Variants in BCL2L11 observed in about 807,000 individuals in gnomAD.
BCL2L11 encodes bcl-2-like protein 11.
Under a neutral mutation model 20.6 loss-of-function variants are expected in BCL2L11, and 15 were observed. The observed-to-expected ratio is 0.73, with a 90% CI of 0.49 to 1.12. BCL2L11 has a LOEUF of 1.12. Among genes scored for constraint, BCL2L11 ranks in the 50% most tolerant of loss-of-function variants. The pLI, the probability that BCL2L11 is intolerant of heterozygous loss-of-function variation, is 0.00. For missense variants in BCL2L11, 292 were observed against 260.9 expected (o/e 1.12, Z -0.82); for synonymous variants, 108 against 92.8 (o/e 1.16, Z -0.94).
chr2:111,165,156 G>C lies in BCL2L11; in HGVS notation c.*925G>C, dbSNP rs1254690747. On this transcript the variant is annotated 3_prime_UTR_variant, in exon 4 of 4. Transcript: ENST00000393256. ...TCCATTTCGACGAGCATGTTATTGG[G>C]AAGTATTCTGAAGAGGCAATAGCAG... The C allele has an allele frequency of 6.6e-6, 1 of 152,250 alleles. No individual in the cohort carries two copies. Among genetic ancestry groups the C allele is most frequent in the Non-Finnish European group, 1.5e-5 (1 of 68,056 alleles). The allele number at this position is 152,250 out of a possible 1,614,324, so 9.4% of individuals were successfully genotyped here.
chr2:111,138,017 T>C (rs886367643), intron 2 of BCL2L11, among the ~76,000 whole-genome samples: 3 of 150,110 alleles, frequency 2.0e-5, no homozygotes, highest in Non-Finnish European at 4.4e-5. Context: ...TCTTTCTTTT[T>C]TTTTTTTTTT....
chr2:111,132,050 T>C (rs1326186269), intron 2 of BCL2L11: 3 of 152,158 alleles, frequency 2.0e-5, no homozygotes, highest in Non-Finnish European at 4.4e-5. Flanking sequence ...ACACTCCAGC[T>C]CCCAATCTGG....
chr2:111,157,464 T>C (rs1387141240), intron 3 of BCL2L11, among the ~76,000 whole-genome samples: 2 of 152,232 alleles, frequency 1.3e-5, no homozygotes, highest in Admixed American at 1.3e-4. Flanking sequence ...ACAGTGTGTT[T>C]CTTCTCTGAA....
intron 3 of BCL2L11, among the ~76,000 whole-genome samples, chr2:111,161,837 C>T (rs1307239034): frequency 6.6e-6 from 1 of 152,208 alleles, no homozygotes; most frequent in Non-Finnish European, 1.5e-5. Context: ...CACCCCAAAA[C>T]CAAAGGCCCT....
At position 111,167,181 on chromosome 2, in the gene BCL2L11, A is replaced by AC. The variant is rs1458432720; in HGVS notation, c.*2951dup. 2.6e-5 allele frequency: 4 copies of AC among 152,338 alleles called. No individual in the cohort carries two copies. The highest frequency in any genetic ancestry group is 5.9e-5 in the Non-Finnish European group (4 of 67,996). The allele number at this position is 152,338 out of a possible 1,614,324, so 9.4% of individuals were successfully genotyped here. The stretch of plus-strand genomic sequence containing the variant: ...ACTCCCCTGCCGTCCCATGAAGTTA[A>AC]CTCCTGAGAGTTGTCGGGGGTGACT... On this transcript the variant is annotated 3_prime_UTR_variant, in exon 4 of 4. Coordinates refer to ENST00000393256, the MANE Select transcript of BCL2L11 (RefSeq NM_138621.5).
chr2:111,123,050 C>G, intron 1 of BCL2L11: 1 of 975,586 alleles, frequency 1.0e-6, no homozygotes, highest in Non-Finnish European at 1.2e-6. Flanking sequence ...CGTCGCCCTC[C>G]GCCGCCCCCT....
rs1488415456 is a variant in BCL2L11, at chr2:111,151,862, T to C, written c.498+1715T>C. ...GCATCCTCCACCTGACATAAACCAG[T>C]TCACAGAACATTCCAGCCTAGATCT... On this transcript the variant is annotated intron_variant, in intron 3 of 3. Coordinates refer to ENST00000393256, the MANE Select transcript of BCL2L11 (RefSeq NM_138621.5). 1.9e-6 allele frequency: 3 copies of C among 1,549,912 alleles called. 1 individual carries two copies. Among genetic ancestry groups the C allele is most frequent in the Admixed American group, 2.0e-5 (1 of 51,002 alleles).
chr2:111,163,618 G>A (rs996179986), intron 3 of BCL2L11, among the ~76,000 whole-genome samples: 1 of 152,118 alleles, frequency 6.6e-6, no homozygotes, highest in Non-Finnish European at 1.5e-5. Context: ...GTGACCATGG[G>A]CACCCCTCTG....
At chr2:111,143,698 C>T (rs1222774266) in intron 2 of BCL2L11, among the ~76,000 whole-genome samples, 5 of 152,264 alleles carry the variant, frequency 3.3e-5, no homozygotes, top group Non-Finnish European at 5.9e-5. Flanking sequence ...GGGCTTCTGT[C>T]GTGACTCAGC....
At chr2:111,153,973 C>T in intron 3 of BCL2L11, 9 of 1,414,692 alleles carry the variant, frequency 6.4e-6, no homozygotes, top group Non-Finnish European at 1.8e-6. Flanking sequence ...GGTGAACCTG[C>T]CGGGCTGAAC....
chr2:111,140,523 A>G (rs1324379595), intron 2 of BCL2L11, among the ~76,000 whole-genome samples: 1 of 152,218 alleles, frequency 6.6e-6, no homozygotes. Context: ...AGGCACGTGC[A>G]TCTGCGAAGG....
Position 111,121,058 on chromosome 2 carries a change from C to A in BCL2L11, c.-144C>A. 2.8e-6 allele frequency: 1 copy of A among 356,358 alleles called. No individual in the cohort carries two copies. The allele number at this position is 356,358 out of a possible 1,614,324, so 22.1% of individuals were successfully genotyped here. On this transcript the variant is annotated 5_prime_UTR_variant, in exon 1 of 4. Transcript: ENST00000393256. Reference sequence around the variant, plus strand: ...TTGATTCTTGCAGCCACCCTGCGAACCCTGCCACACTGCGATCGCATCATC... The same window carrying A: ...TTGATTCTTGCAGCCACCCTGCGAAACCTGCCACACTGCGATCGCATCATC...
chr2:111,152,366 T>C (rs2077358808), intron 3 of BCL2L11, among the ~76,000 whole-genome samples: 1 of 152,212 alleles, frequency 6.6e-6, no homozygotes, highest in Non-Finnish European at 1.5e-5. Context: ...GAGCTCTGGG[T>C]ACTGAGATAA....
At chr2:111,146,873 ACTACTGTGTG>A (rs944158479) in intron 2 of BCL2L11, among the ~76,000 whole-genome samples, 1 of 152,186 alleles carries the variant, frequency 6.6e-6, no homozygotes, top group Admixed American at 6.5e-5. Flanking sequence ...ATAGCCATGT[ACTACTGTGTG>A]CATACTAGCT....
rs5833391 is a variant in BCL2L11, at chr2:111,120,979, T to TGCCGCCGCC, written c.-189_-181dup. The TGCCGCCGCC allele has an allele frequency of 3.0e-3, 1,025 of 336,078 alleles. 6 individuals are homozygous for TGCCGCCGCC. The highest frequency in any genetic ancestry group is 4.6e-3 in the African/African-American group (197 of 42,880). The allele number at this position is 336,078 out of a possible 1,614,324, so 20.8% of individuals were successfully genotyped here. A position where few individuals can be genotyped will look rare whatever the true frequency, so the allele number is the denominator to read the frequency against. Reference sequence around the variant, plus strand: ...GCTCTGCGTCCAGCGCCGCTGCCGCTGCCGCCGCCGCCGCCGCCGCCGCCG... The same window carrying TGCCGCCGCC: ...GCTCTGCGTCCAGCGCCGCTGCCGCTGCCGCCGCCGCCGCCGCCGCCGCCGCCGCCGCCG... On this transcript the variant is annotated 5_prime_UTR_variant, in exon 1 of 4. Coordinates refer to ENST00000393256, the MANE Select transcript of BCL2L11 (RefSeq NM_138621.5).
intron 2 of BCL2L11, chr2:111,128,893 GCA>G: frequency 7.6e-7 from 1 of 1,313,810 alleles, no homozygotes; most frequent in Non-Finnish European, 1.0e-6. Context: ...CTAGAAAAAT[GCA>G]CAATTAGATT....
intron 3 of BCL2L11, among the ~76,000 whole-genome samples, chr2:111,159,040 T>C (rs184207442): frequency 6.6e-6 from 1 of 152,314 alleles, no homozygotes; most frequent in African/African-American, 2.4e-5. Flanking sequence ...ATTGTAGGAA[T>C]CACTTAGTGA....
chr2:111,148,813 T>TATA (rs748731107), intron 2 of BCL2L11, among the ~76,000 whole-genome samples: 2 of 152,184 alleles, frequency 1.3e-5, no homozygotes, highest in Non-Finnish European at 2.9e-5. Context: ...TTCACTTGGG[T>TATA]ATAAGATGAG....
chr2:111,144,483 T>C (rs1032254165), intron 2 of BCL2L11: 2 of 1,550,504 alleles, frequency 1.3e-6, no homozygotes, highest in African/African-American at 1.4e-5. Flanking sequence ...TCCTTTGCCT[T>C]ATAGCTAACT....
Sources: allele counts gnomAD v4.1 joint callset (sites outside exome capture counted in the v4.1 genomes callset), GRCh38; gene constraint gnomAD v4.1.1; transcripts MANE v1.5; gene names NCBI Gene and HGNC (gene_info 2026-07-23, HGNC 2026-07-21).